Variants in GYG2 observed in about 807,000 individuals in gnomAD.
GYG2 encodes glycogenin 2, also known as glycogenin-2.
In GYG2, 29 loss-of-function variants were observed where a neutral mutation model predicts 29.4. The ratio of observed to expected loss-of-function variants is 0.99; its 90% CI spans 0.74 to 1.35. The LOEUF (loss-of-function observed/expected upper bound fraction) is 1.35. Ranked by LOEUF, GYG2 falls within the 40% of genes most tolerant of loss-of-function variation. GYG2 has a pLI of 0.00. For synonymous variants in GYG2, 167 were observed against 172.3 expected (o/e 0.97, Z 0.24); for missense variants, 370 against 385.7 (o/e 0.96, Z 0.34).
chrX:2,859,824 C>T lies in GYG2; in HGVS notation c.615-19C>T, dbSNP rs902446453. 1 of 1,062,869 alleles carries T rather than the reference C, an allele frequency of 9.4e-7. No individual in the cohort carries two copies. Among genetic ancestry groups the T allele is most frequent in the Non-Finnish European group, 1.3e-6 (1 of 765,154 alleles). 87.6% of individuals were successfully genotyped at this position (1,062,869 alleles called of 1,213,427 possible). On this transcript the variant is annotated intron_variant, in intron 6 of 10. Transcript: ENST00000398806. ...TCACATCTGAGTGGAAATCAGAATCCCTTCTGTTTCCTTCTCAGATTCGGT... is the reference window on the plus strand; with the variant it reads ...TCACATCTGAGTGGAAATCAGAATCTCTTCTGTTTCCTTCTCAGATTCGGT...
chrX:2,862,486 T>C (rs753828982), intron 8 of GYG2, among the ~76,000 whole-genome samples: 1 of 110,906 alleles, frequency 9.0e-6, no homozygotes, highest in South Asian at 3.9e-4. Context: ...CTTCCGTCAG[T>C]GCCCCCTCAA....
rs142793742 is a variant in GYG2, at chrX:2,843,313, G to C, written c.108G>C (p.Lys36Asn). 8.3e-7 allele frequency: 1 copy of C among 1,197,880 alleles called. No individual in the cohort carries two copies. The highest frequency in any genetic ancestry group is 1.8e-5 in the African/African-American group (1 of 56,896). ...QSLRRHRLTR[K>N]LVVLITPQVS... ...TGAGGAGACACAGGCTGACGAGGAA[G>C]CTGGTGGTGTTGATCACTCCTCAGG... Residue 36 changes from lysine (K) to asparagine (N), a missense_variant, in exon 3 of 11, where the codon AAG (lysine) becomes AAC (asparagine). Lys to Asn is a moderately conservative substitution (Grantham distance 94). Coordinates refer to ENST00000398806, the MANE Select transcript of GYG2 (RefSeq NM_001079855.2).
In GYG2 at chrX:2,850,004, T is replaced by C. The variant is rs913713593; in HGVS notation, c.150-3976T>C. 2.7e-5 allele frequency among the ~76,000 whole-genome samples: 3 copies of C among 111,010 alleles called. No individual in the cohort carries two copies. In the Admixed American group the frequency reaches 2.9e-4, roughly 11 times the overall value. On this transcript the variant is annotated intron_variant, in intron 3 of 10. Transcript: ENST00000398806. ...CAGTGGCACATGCCTGTAGTCCCAGTTACTCAGGAGGCTGAGGCGGGAGGA... is the reference window on the plus strand; with the variant it reads ...CAGTGGCACATGCCTGTAGTCCCAGCTACTCAGGAGGCTGAGGCGGGAGGA...
At chrX:2,836,307 G>A (rs2087370929) in intron 2 of GYG2, among the ~76,000 whole-genome samples, 1 of 111,072 alleles carries the variant, frequency 9.0e-6, no homozygotes, top group African/African-American at 3.3e-5. Flanking sequence ...GAATCTACAG[G>A]GTGGAGCAGA....
chrX:2,857,196 ATCTATCTAGACCTAGATATCTG>A (rs2088033657), intron 6 of GYG2, among the ~76,000 whole-genome samples: 2 of 108,681 alleles, frequency 1.8e-5, no homozygotes, highest in Admixed American at 9.9e-5. Flanking sequence ...CTAGATATCT[ATCTATCTAGACCTAGATATCTG>A]TCTATCTGTC....
At chrX:2,869,834 G>C (rs930775890) in intron 8 of GYG2, among the ~76,000 whole-genome samples, 1 of 111,879 alleles carries the variant, frequency 8.9e-6, no homozygotes. Flanking sequence ...GTAGAGATGG[G>C]TTTCACCATG....
rs1285728297 is a variant in GYG2 at position 2,837,853 on chromosome X, ACACACACACACACACAT to A, written c.8-5359_8-5343del. Among the ~76,000 whole-genome samples, 223 of 108,277 alleles carry A rather than the reference ACACACACACACACACAT, an allele frequency of 2.1e-3. 1 individual carries two copies. Among genetic ancestry groups the A allele is most frequent in the African/African-American group, 6.6e-3 (198 of 29,835 alleles). The allele number at this position is 108,277 out of a possible 115,157, so 94.0% of individuals were successfully genotyped here. A position where few individuals can be genotyped will look rare whatever the true frequency, so the allele number is the denominator to read the frequency against. On this transcript the variant is annotated intron_variant, in intron 2 of 10. Coordinates refer to ENST00000398806, the MANE Select transcript of GYG2 (RefSeq NM_001079855.2). The stretch of plus-strand genomic sequence containing the variant: ...TGCAATTAAATACACACACACACAC[ACACACACACACACACAT>A]ACACACACACACACGTTTTCTTTTT...
chrX:2,844,110 A>G (rs2087567806), intron 3 of GYG2, among the ~76,000 whole-genome samples: 1 of 112,505 alleles, frequency 8.9e-6, no homozygotes, highest in African/African-American at 3.2e-5. Context: ...GGACCACTTA[A>G]AAAAATTGAT....
intron 4 of GYG2, 71 bp downstream of exon 4, chrX:2,854,225 C>T: frequency 1.3e-6 from 1 of 748,300 alleles, no homozygotes. Flanking sequence ...AGGCTGTCAA[C>T]TTTTTTTTGT....
intron 6 of GYG2, among the ~76,000 whole-genome samples, chrX:2,859,379 A>C (rs180791665): frequency 9.0e-6 from 1 of 111,230 alleles, no homozygotes; most frequent in East Asian, 2.8e-4. Flanking sequence ...CTATGCTAGT[A>C]GTAGTATATT....
At chrX:2,868,070 T>C (rs1410873571) in intron 8 of GYG2, among the ~76,000 whole-genome samples, 2 of 111,099 alleles carry the variant, frequency 1.8e-5, no homozygotes, top group Non-Finnish European at 1.9e-5. Flanking sequence ...CACTCCAGCC[T>C]GGGTGACAGA....
At chrX:2,877,740 C>T (rs2088634590) in intron 10 of GYG2, 1 of 753,040 alleles carries the variant, frequency 1.3e-6, no homozygotes, top group Non-Finnish European at 1.6e-6. Context: ...TGCATGCTTT[C>T]TGTTCCTTCC....
chrX:2,866,455 G>T (rs1200175599), intron 8 of GYG2, among the ~76,000 whole-genome samples: 4 of 111,784 alleles, frequency 3.6e-5, no homozygotes, highest in Non-Finnish European at 7.5e-5. Flanking sequence ...AGATCACGCT[G>T]CTGCACTCCA....
chrX:2,871,649 C>T (rs2088472281), intron 8 of GYG2, among the ~76,000 whole-genome samples: 1 of 110,868 alleles, frequency 9.0e-6, no homozygotes, highest in South Asian at 3.8e-4. Flanking sequence ...GAGATGGTGC[C>T]ACTGCACTCC....
intron 8 of GYG2, among the ~76,000 whole-genome samples, chrX:2,864,291 C>T (rs903897737): frequency 1.1e-4 from 12 of 111,357 alleles, no homozygotes; most frequent in Admixed American, 1.9e-4. Flanking sequence ...TATCAATATG[C>T]GTAAGAAGTA....
intron 3 of GYG2, among the ~76,000 whole-genome samples, chrX:2,846,055 A>ATATAT (rs2087723665): frequency 1.0e-4 from 4 of 38,675 alleles, no homozygotes; most frequent in African/African-American, 2.0e-4. Flanking sequence ...ATATATATAT[A>ATATAT]TTTTTTTTTT....
At chrX:2,856,745 T>TATCTATC (rs1334355185) in intron 6 of GYG2, 121 bp downstream of exon 6, 1 of 245,740 alleles carries the variant, frequency 4.1e-6, no homozygotes, top group Non-Finnish European at 7.3e-6. Flanking sequence ...ATCATCTATC[T>TATCTATC]ATCTATGTAT....
At chrX:2,857,565 T>A (rs746270210) in intron 6 of GYG2, among the ~76,000 whole-genome samples, 1 of 111,049 alleles carries the variant, frequency 9.0e-6, no homozygotes, top group Non-Finnish European at 1.9e-5. Context: ...TCTATATAGA[T>A]CTATGTATCT....
chrX:2,860,323 C>T (rs1262496830), intron 7 of GYG2, among the ~76,000 whole-genome samples: 2 of 111,462 alleles, frequency 1.8e-5, no homozygotes, highest in Non-Finnish European at 3.8e-5. Flanking sequence ...TAGCCATCCT[C>T]ATCAGAGTAA....
Sources: allele counts gnomAD v4.1 joint callset (sites outside exome capture counted in the v4.1 genomes callset), GRCh38; gene constraint gnomAD v4.1.1; transcripts MANE v1.5; gene names NCBI Gene and HGNC (gene_info 2026-07-23, HGNC 2026-07-21).